Variants in VWDE observed in about 807,000 individuals in gnomAD.
The protein encoded by VWDE is von Willebrand factor D and EGF domain-containing protein.
Under a neutral mutation model 178.4 loss-of-function variants are expected in VWDE, and 207 were observed. That is an observed-to-expected ratio of 1.16 (90% CI 1.04 to 1.30). The LOEUF is 1.30. Ranked by LOEUF, VWDE falls within the 50% of genes most tolerant of loss-of-function variation. VWDE has a pLI of 0.00. For synonymous variants in VWDE, 738 were observed against 651.4 expected, an observed-to-expected ratio of 1.13 and a Z score of -2.02; for missense variants, 2,287 against 1,901.3, an observed-to-expected ratio of 1.20 and a Z score of -3.77.
At chr7:12,359,739 G>GAAA in intron 15 of VWDE, 47 bp from the exon 16 acceptor site, 1 of 1,078,840 alleles carries the variant, frequency 9.3e-7, no homozygotes, top group South Asian at 1.7e-5. Context: ...ACAGCGTGTA[G>GAAA]AAAAAAAAAA....
chr7:12,380,554 G>T lies in VWDE; in HGVS notation c.721C>A (p.Gln241Lys), dbSNP rs930675265. ...GAGAATGCCTGAACTGTGGTCTCTT[G>T]TGTCAGCTCCTCTTTGACTTCTTGA... ...SSQEVKEELT[Q>K]ETTVQAFSLL... Residue 241 changes from glutamine (Q) to lysine (K), a missense_variant, in exon 5 of 29, where the codon CAA (glutamine) becomes AAA (lysine). Gln to Lys is a moderately conservative substitution (Grantham distance 53, BLOSUM62 1). Transcript: ENST00000275358. The T allele has an allele frequency of 3.9e-6, 6 of 1,551,958 alleles. No individual in the cohort carries two copies. The highest frequency in any genetic ancestry group is 2.4e-5 in the East Asian group (1 of 40,926).
Position 12,374,999 on chromosome 7 carries a change from A to C in VWDE, c.1242+11T>G, listed in dbSNP as rs1347887023. 1 of 1,549,084 alleles carries C rather than the reference A, an allele frequency of 6.5e-7. No homozygotes were observed. Among genetic ancestry groups the C allele is most frequent in the African/African-American group, 1.4e-5 (1 of 73,090 alleles). ...GCTTCACTTGCAGTATTAGTGTTGT[A>C]ATTTGTCAACCTGGATGCTGTCTGG... is the stretch of plus-strand genomic sequence containing the variant. On this transcript the variant is annotated intron_variant, in intron 8 of 28. Transcript: ENST00000275358.
chr7:12,384,932 G>C (rs1376786491), intron 3 of VWDE, among the ~76,000 whole-genome samples: 2 of 152,008 alleles, frequency 1.3e-5, no homozygotes, highest in Admixed American at 6.6e-5. Flanking sequence ...GGCTACATAG[G>C]CTAACTTTAA....
intron 8 of VWDE, 123 bp downstream of exon 8, chr7:12,374,887 T>C: frequency 8.5e-7 from 1 of 1,179,462 alleles, no homozygotes; most frequent in Non-Finnish European, 1.2e-6. Context: ...TATTGAAAAT[T>C]GAATCATTTA....
At chr7:12,387,240 T>C (rs1784147149) in intron 3 of VWDE, among the ~76,000 whole-genome samples, 1 of 152,054 alleles carries the variant, frequency 6.6e-6, no homozygotes, top group Non-Finnish European at 1.5e-5. Flanking sequence ...TTATGGCCAA[T>C]AATGATATAT....
intron 13 of VWDE, among the ~76,000 whole-genome samples, chr7:12,362,037 T>C (rs1408977529): frequency 6.6e-6 from 1 of 152,056 alleles, no homozygotes; most frequent in Non-Finnish European, 1.5e-5. Context: ...AATATTTCAA[T>C]ACTCATGATA....
rs1279103122 is a variant in VWDE, at chr7:12,370,746, T to G, written c.1706A>C (p.Asp569Ala). 6.4e-7 allele frequency: 1 copy of G among 1,551,118 alleles called. No individual in the cohort carries two copies. The highest frequency in any genetic ancestry group is 1.4e-5 in the African/African-American group (1 of 72,984). Residue 569 changes from aspartate to alanine, a missense_variant, in exon 11 of 29, where the codon GAT becomes GCT. Coordinates refer to ENST00000275358, the MANE Select transcript of VWDE (RefSeq NM_001135924.3). ...RNTLGLCGTF[D>A]ENPENDFHDK... ...ATGGAAATCATTTTCCGGATTTTCA[T>G]CAAAGGTTCCACAAAGTCCCAGAGT...
chr7:12,367,990 T>C (rs986101347), intron 12 of VWDE, among the ~76,000 whole-genome samples: 1 of 152,008 alleles, frequency 6.6e-6, no homozygotes, highest in African/African-American at 2.4e-5. Flanking sequence ...CTTGCCTAAC[T>C]ACTGGGAAAA....
At position 12,340,399 on chromosome 7, in the gene VWDE, C is replaced by G; in HGVS notation, c.4289G>C (p.Cys1430Ser). 6.4e-7 allele frequency: 1 copy of G among 1,551,300 alleles called. No individual in the cohort carries two copies. Among genetic ancestry groups the G allele is most frequent in the Non-Finnish European group, 8.7e-7 (1 of 1,146,752 alleles). Residue 1430 changes from cysteine to serine, a missense_variant, in exon 24 of 29, where the codon TGC (cysteine) becomes TCC (serine). Cys to Ser is a moderately radical substitution (Grantham distance 112, BLOSUM62 -1). Coordinates refer to ENST00000275358, the MANE Select transcript of VWDE (RefSeq NM_001135924.3). ...TCSTALCDPV[C>S]LNGGSCNKPN... ...CTTATTACACGAACCACCATTGAGG[C>G]AGACAGGGTCGCACAAAGCTAATAA...
chr7:12,337,672 T>C (rs1298345589), intron 24 of VWDE, among the ~76,000 whole-genome samples: 2 of 152,222 alleles, frequency 1.3e-5, no homozygotes, highest in East Asian at 3.8e-4. Context: ...ATTTTCCACA[T>C]ATTTAAAAAG....
At chr7:12,341,816 T>C (rs1164157638) in intron 23 of VWDE, among the ~76,000 whole-genome samples, 6 of 151,990 alleles carry the variant, frequency 3.9e-5, no homozygotes, top group East Asian at 1.9e-4. Context: ...GAGGGAAATA[T>C]AAAAGCAAAA....
rs549834306 is a variant in VWDE at position 12,343,168 on chromosome 7, G to A, written c.4089C>T (p.Asn1363=). 46 of 1,548,000 alleles carry A rather than the reference G, an allele frequency of 3.0e-5. No individual in the cohort carries two copies. In the South Asian group the frequency reaches 5.2e-4, roughly 18 times the overall value. ...GGATCDEEHC[N]PPCQHGGTCL... ...ATGTGCCACCATGTTGACAAGGTGGGTTACAATGTTCTGCAGAAACAGATT... is the reference window on the plus strand; with the variant it reads ...ATGTGCCACCATGTTGACAAGGTGGATTACAATGTTCTGCAGAAACAGATT... Residue 1363 remains asparagine (N), a synonymous_variant, in exon 22 of 29, where the codon AAC becomes AAT. Transcript: ENST00000275358.
chr7:12,393,506 G>C, intron 2 of VWDE, 88 bp downstream of exon 2: 2 of 1,141,460 alleles, frequency 1.8e-6, no homozygotes, highest in African/African-American at 3.2e-5. Flanking sequence ...ATTTTAGCAT[G>C]AGAAATAAGC....
Position 12,359,600 on chromosome 7 carries a change from T to A in VWDE, c.3252A>T (p.Arg1084Ser). Residue 1084 changes from arginine to serine, a missense_variant, in exon 16 of 29, where the codon AGA becomes AGT. Arg to Ser is a moderately radical substitution (Grantham distance 110). Transcript: ENST00000275358. ...PCLICRPKIS[R>S]FTWSFLENNQ... Reference sequence around the variant, plus strand: ...TACTTTCTAAAAATGACCAAGTAAATCTTGAAATTTTGGGTCTACAAATCA... The same window carrying A: ...TACTTTCTAAAAATGACCAAGTAAAACTTGAAATTTTGGGTCTACAAATCA... The A allele has an allele frequency of 1.9e-6, 3 of 1,549,706 alleles. No individual in the cohort carries two copies. Among genetic ancestry groups the A allele is most frequent in the Non-Finnish European group, 1.7e-6 (2 of 1,145,682 alleles).
At chr7:12,336,896 A>G in intron 26 of VWDE, 92 bp downstream of exon 26, 1 of 1,263,864 alleles carries the variant, frequency 7.9e-7, no homozygotes, top group Non-Finnish European at 1.1e-6. Flanking sequence ...AAGACCAAGC[A>G]AACAAAAGTG....
chr7:12,342,514 C>T (rs1781385922), intron 22 of VWDE, among the ~76,000 whole-genome samples: 2 of 152,016 alleles, frequency 1.3e-5, no homozygotes, highest in South Asian at 4.1e-4. Flanking sequence ...CAAAGAAAGA[C>T]CATGAATAGC....
chr7:12,352,584 C>T (rs992312823), intron 18 of VWDE, among the ~76,000 whole-genome samples: 2 of 152,108 alleles, frequency 1.3e-5, no homozygotes, highest in Non-Finnish European at 2.9e-5. Flanking sequence ...GGAAAGAAAA[C>T]GGCTAGATCA....
At chr7:12,341,127 CT>C (rs1201572213) in intron 23 of VWDE, among the ~76,000 whole-genome samples, 1 of 150,334 alleles carries the variant, frequency 6.7e-6, no homozygotes, top group Admixed American at 6.6e-5. Context: ...GTATCATAGT[CT>C]TTTTTATAAT....
chr7:12,360,831 C>T lies in VWDE; in HGVS notation c.3159+316G>A, dbSNP rs566120722. 1.1e-4 allele frequency among the ~76,000 whole-genome samples: 17 copies of T among 152,168 alleles called. No homozygotes were observed. The South Asian group carries it at 3.1e-3, about 28-fold the overall frequency. On this transcript the variant is annotated intron_variant, in intron 15 of 28. Coordinates refer to ENST00000275358, the MANE Select transcript of VWDE (RefSeq NM_001135924.3). The stretch of plus-strand genomic sequence containing the variant: ...ACTTGATGCAAAGAAGAGTAGGTAA[C>T]GTAAGATCTCTTATTGGAAAGTCAT...
Sources: allele counts gnomAD v4.1 joint callset (sites outside exome capture counted in the v4.1 genomes callset), GRCh38; gene constraint gnomAD v4.1.1; transcripts MANE v1.5; gene names NCBI Gene and HGNC (gene_info 2026-07-23, HGNC 2026-07-21).